Variants in SGCZ observed in about 807,000 individuals in gnomAD.
SGCZ encodes zeta-sarcoglycan.
In SGCZ, 40 loss-of-function variants were observed where a neutral mutation model predicts 41.3. The observed-to-expected ratio is 0.97, with a 90% confidence interval of 0.75 to 1.26. The LOEUF (loss-of-function observed/expected upper bound fraction) is 1.26. Ranked by LOEUF, SGCZ falls within the 50% of genes most tolerant of loss-of-function variation. The pLI is 0.00. For missense variants in SGCZ, 552 were observed against 369.8 expected, an observed-to-expected ratio of 1.49 and a Z score of -4.04; for synonymous variants, 206 against 137.5, an observed-to-expected ratio of 1.50 and a Z score of -3.49.
At chr8:15,117,498 G>A (rs929653619) in intron 1 of SGCZ, among the ~76,000 whole-genome samples, 1 of 152,274 alleles carries the variant, frequency 6.6e-6, no homozygotes, top group Non-Finnish European at 1.5e-5. Flanking sequence ...AGAATACAGA[G>A]GGAGAAGAGA....
intron 2 of SGCZ, among the ~76,000 whole-genome samples, chr8:14,432,562 T>C (rs1181737329): frequency 2.0e-5 from 3 of 152,030 alleles, no homozygotes; most frequent in East Asian, 3.9e-4. Context: ...ATACTGCAAA[T>C]TGAGTGCAGT....
At chr8:14,709,720 G>A (rs1018293504) in intron 1 of SGCZ, among the ~76,000 whole-genome samples, 10 of 151,692 alleles carry the variant, frequency 6.6e-5, no homozygotes, top group East Asian at 1.9e-4. Context: ...CTAAATCTTC[G>A]TGAAGTCGAA....
Position 14,563,102 on chromosome 8 carries a change from G to C in SGCZ, c.40-8176C>G, listed in dbSNP as rs918563621. ...GCTGTGCTATGGCTGAAGTTTGCAG[G>C]AGTCTGGCTCCGGGACAAGTGGTAC... is the stretch of plus-strand genomic sequence containing the variant. On this transcript the variant is annotated intron_variant, in intron 1 of 7. Coordinates refer to ENST00000382080, the MANE Select transcript of SGCZ (RefSeq NM_139167.4). Among the ~76,000 whole-genome samples, 5 of 152,302 alleles carry C rather than the reference G, an allele frequency of 3.3e-5. No individual in the cohort carries two copies. In the South Asian group the frequency reaches 1.0e-3, roughly 32 times the overall value.
At position 14,428,877 on chromosome 8, in the gene SGCZ, G is replaced by A. The variant is rs77084539; in HGVS notation, c.235-104673C>T. ...AAGATTCTACATGTTCATCTAAAAT[G>A]TTTACAAAGCTCACAACATGCTTTC... On this transcript the variant is annotated intron_variant, in intron 2 of 7. Transcript: ENST00000382080. 7.5e-3 allele frequency among the ~76,000 whole-genome samples: 1,135 copies of A among 152,258 alleles called. 18 individuals carry two copies. The highest frequency in any genetic ancestry group is 0.025 in the African/African-American group (1,048 of 41,528).
At chr8:14,194,650 T>C (rs903141941) in intron 4 of SGCZ, among the ~76,000 whole-genome samples, 3 of 152,038 alleles carry the variant, frequency 2.0e-5, no homozygotes, top group Non-Finnish European at 2.9e-5. Flanking sequence ...CAAGTTACTT[T>C]CTCATCTGAA....
intron 1 of SGCZ, among the ~76,000 whole-genome samples, chr8:14,870,336 T>A (rs1487059564): frequency 6.6e-6 from 1 of 150,494 alleles, no homozygotes; most frequent in East Asian, 2.0e-4. Flanking sequence ...ACTACAACAA[T>A]CTGAATTCCC....
chr8:14,327,317 G>A (rs1171942809), intron 2 of SGCZ, among the ~76,000 whole-genome samples: 3 of 152,192 alleles, frequency 2.0e-5, no homozygotes, highest in Non-Finnish European at 4.4e-5. Flanking sequence ...GAAACCAAGA[G>A]TATTAATTAG....
intron 1 of SGCZ, among the ~76,000 whole-genome samples, chr8:15,015,741 GT>G (rs1301618155): frequency 3.3e-3 from 494 of 148,180 alleles, no homozygotes; most frequent in African/African-American, 0.012. Context: ...GTGTGTGTGT[GT>G]GTGTGTGTGT....
intron 1 of SGCZ, among the ~76,000 whole-genome samples, chr8:15,229,580 A>G (rs953668821): frequency 6.6e-6 from 1 of 152,234 alleles, no homozygotes; most frequent in Non-Finnish European, 1.5e-5. Flanking sequence ...TCTCTCATGC[A>G]TCCCATGTTG....
intron 1 of SGCZ, among the ~76,000 whole-genome samples, chr8:15,159,019 A>G (rs749099709): frequency 6.6e-6 from 1 of 152,186 alleles, no homozygotes; most frequent in Non-Finnish European, 1.5e-5. Context: ...GATGGCTGCA[A>G]TCCCTACGTA....
chr8:14,483,060 C>G (rs943176062), intron 2 of SGCZ, among the ~76,000 whole-genome samples: 4 of 152,106 alleles, frequency 2.6e-5, no homozygotes, highest in Non-Finnish European at 5.9e-5. Flanking sequence ...AACACAATTT[C>G]TCTCTCATTT....
intron 1 of SGCZ, among the ~76,000 whole-genome samples, chr8:14,909,254 G>C (rs1346837961): frequency 1.3e-5 from 2 of 152,132 alleles, no homozygotes; most frequent in East Asian, 1.9e-4. Flanking sequence ...ATTATGACTT[G>C]TTAGATTGTG....
intron 1 of SGCZ, among the ~76,000 whole-genome samples, chr8:14,707,953 A>T (rs923500416): frequency 1.3e-5 from 2 of 152,234 alleles, no homozygotes; most frequent in East Asian, 3.9e-4. Context: ...ATCAAGCACA[A>T]ATATATGTAC....
At chr8:14,719,285 G>A (rs940165583) in intron 1 of SGCZ, among the ~76,000 whole-genome samples, 5 of 149,028 alleles carry the variant, frequency 3.4e-5, no homozygotes, top group Non-Finnish European at 4.4e-5. Flanking sequence ...CCAAGTCTTT[G>A]CTATTGTGAA....
At chr8:14,731,366 C>T (rs1421793425) in intron 1 of SGCZ, among the ~76,000 whole-genome samples, 1 of 148,622 alleles carries the variant, frequency 6.7e-6, no homozygotes, top group Non-Finnish European at 1.5e-5. Context: ...AGGGGAACAT[C>T]ACACACTGGG....
At chr8:14,436,490 G>C (rs567977147) in intron 2 of SGCZ, among the ~76,000 whole-genome samples, 12 of 152,152 alleles carry the variant, frequency 7.9e-5, no homozygotes, top group Admixed American at 6.5e-4. Flanking sequence ...TAAGGGATTT[G>C]TGAGGTCAAA....
intron 1 of SGCZ, among the ~76,000 whole-genome samples, chr8:14,931,797 C>A (rs1392287005): frequency 1.3e-5 from 2 of 151,970 alleles, no homozygotes; most frequent in African/African-American, 4.8e-5. Context: ...ATTCGTCAGT[C>A]AGCCACTCCC....
intron 1 of SGCZ, among the ~76,000 whole-genome samples, chr8:14,797,862 C>T (rs1342994476): frequency 6.6e-6 from 1 of 152,220 alleles, no homozygotes; most frequent in Non-Finnish European, 1.5e-5. Flanking sequence ...CAGCCAATGG[C>T]TTCGTAGGGT....
At chr8:14,850,648 G>T (rs564385213) in intron 1 of SGCZ, among the ~76,000 whole-genome samples, 3 of 152,140 alleles carry the variant, frequency 2.0e-5, no homozygotes, top group East Asian at 1.9e-4. Context: ...TGTATGACAT[G>T]GTTAGGCTTT....
Sources: allele counts gnomAD v4.1 joint callset (sites outside exome capture counted in the v4.1 genomes callset), GRCh38; gene constraint gnomAD v4.1.1; transcripts MANE v1.5; gene names NCBI Gene and HGNC (gene_info 2026-07-23, HGNC 2026-07-21).